NF1: variants seen among roughly 807,000 people sequenced by gnomAD.
The protein encoded by NF1 is neurofibromin 1.
A neutral mutation model predicts 325.7 loss-of-function variants in NF1; 122 were observed. The observed-to-expected ratio is 0.37, with a 90% CI of 0.32 to 0.44. The LOEUF (loss-of-function observed/expected upper bound fraction) is 0.44. Among genes scored for constraint, NF1 ranks in the 20% least tolerant of loss-of-function variants. The probability of loss-of-function intolerance (pLI) is 1.00; values close to 1 mark genes in which losing one functional copy is unlikely to be tolerated. For missense variants in NF1, 2,140 were observed against 3,415.4 expected (o/e 0.63, Z 9.31); for synonymous variants, 1,091 against 1,186.0 (o/e 0.92, Z 1.65).
chr17:31,123,708 G>A (rs546416648), intron 1 of NF1, among the ~76,000 whole-genome samples: 67 of 152,262 alleles, frequency 4.4e-4, no homozygotes, highest in African/African-American at 1.5e-3. Context: ...GTCAGTTTAG[G>A]CTGCTATAAC....
chr17:31,365,144 G>A (rs188536815), intron 57 of NF1, among the ~76,000 whole-genome samples: 4 of 152,048 alleles, frequency 2.6e-5, no homozygotes, highest in African/African-American at 9.6e-5. Context: ...AATTAGCCAG[G>A]CGTAGTGGCA....
intron 35 of NF1, among the ~76,000 whole-genome samples, chr17:31,264,693 CTA>C (rs1437922817): frequency 6.6e-6 from 1 of 152,016 alleles, no homozygotes; most frequent in Admixed American, 6.6e-5. Context: ...CTTGAGCAAA[CTA>C]TATAAAAATT....
chr17:31,102,675 C>T (rs111635153), intron 1 of NF1, among the ~76,000 whole-genome samples: 3 of 150,346 alleles, frequency 2.0e-5, no homozygotes, highest in African/African-American at 7.4e-5. Context: ...TTCAAGCATA[C>T]AGTGAGCCAT....
intron 1 of NF1, among the ~76,000 whole-genome samples, chr17:31,136,055 C>T (rs758777824): frequency 2.0e-5 from 3 of 152,070 alleles, no homozygotes; most frequent in South Asian, 2.1e-4. Context: ...ACAGGGCCAG[C>T]GCGGTGGCTC....
chr17:31,331,284 T>C (rs1257642652), intron 39 of NF1: 1 of 152,052 alleles, frequency 6.6e-6, no homozygotes, highest in African/African-American at 2.4e-5. Context: ...ACTTTATTCA[T>C]AAATATTAAT....
At chr17:31,321,000 A>G (rs913039684) in intron 36 of NF1, 1 of 152,268 alleles carries the variant, frequency 6.6e-6, no homozygotes, top group Non-Finnish European at 1.5e-5. Flanking sequence ...CTTCAGCCAG[A>G]TGTACTGCAG....
rs17878774 is a variant in NF1, at chr17:31,154,455, A to G, written c.61-1528A>G. ...TACTGGAAAAGGAGATATGGTCACA[A>G]AGAATAGGAGATGTTTCTAAGGGAA... is the stretch of plus-strand genomic sequence containing the variant. On this transcript the variant is annotated intron_variant, in intron 1 of 57. Transcript: ENST00000358273. 8.5e-3 allele frequency among the ~76,000 whole-genome samples: 1,292 copies of G among 152,252 alleles called. 22 individuals are homozygous for G. The highest frequency in any genetic ancestry group is 0.03 in the African/African-American group (1,242 of 41,542).
chr17:31,218,542 T>A (rs1482068343), intron 13 of NF1, among the ~76,000 whole-genome samples: 1 of 151,930 alleles, frequency 6.6e-6, no homozygotes, highest in Admixed American at 6.6e-5. Context: ...ATTCTAGAAC[T>A]TTTTTTTCTT....
chr17:31,156,987 A>G (rs140078117), intron 2 of NF1, among the ~76,000 whole-genome samples: 2 of 152,206 alleles, frequency 1.3e-5, no homozygotes, highest in African/African-American at 4.8e-5. Flanking sequence ...ATGAATGAAT[A>G]AATGAATGAA....
At chr17:31,218,443 C>T (rs17883226) in intron 13 of NF1, among the ~76,000 whole-genome samples, 2,057 of 152,024 alleles carry the variant, frequency 0.014, 52 homozygotes, top group African/African-American at 0.046. Context: ...AATACTATAC[C>T]CACATACCAT....
At chr17:31,126,373 T>A (rs1914891343) in intron 1 of NF1, among the ~76,000 whole-genome samples, 1 of 152,106 alleles carries the variant, frequency 6.6e-6, no homozygotes, top group Admixed American at 6.6e-5. Flanking sequence ...TGTATATACT[T>A]TTTGCCCATT....
intron 1 of NF1, among the ~76,000 whole-genome samples, chr17:31,115,592 T>G (rs1397501800): frequency 1.3e-5 from 2 of 152,206 alleles, no homozygotes; most frequent in Admixed American, 6.5e-5. Flanking sequence ...TGTAACTGAG[T>G]GAGTCTTCAG....
At chr17:31,355,959 T>C (rs1325850946) in intron 51 of NF1, 1 of 156,658 alleles carries the variant, frequency 6.4e-6, no homozygotes, top group Non-Finnish European at 1.4e-5. Flanking sequence ...ATCTGGTTTT[T>C]AGTATTTTCA....
At chr17:31,185,826 G>A (rs898608228) in intron 8 of NF1, among the ~76,000 whole-genome samples, 1 of 152,214 alleles carries the variant, frequency 6.6e-6, no homozygotes, top group Non-Finnish European at 1.5e-5. Flanking sequence ...AATGGTGCTT[G>A]AAGTGTCAGT....
At chr17:31,270,503 A>G (rs2067872776) in intron 36 of NF1, among the ~76,000 whole-genome samples, 1 of 152,096 alleles carries the variant, frequency 6.6e-6, no homozygotes, top group Non-Finnish European at 1.5e-5. Flanking sequence ...CCAGCTACTC[A>G]GGAGGCTGAG....
At chr17:31,231,922 A>G in intron 24 of NF1, 151 bp from the exon 25 acceptor site, 2 of 578,412 alleles carry the variant, frequency 3.5e-6, no homozygotes, top group East Asian at 2.9e-5. Context: ...TATTAACTCA[A>G]ATTATTTGGG....
At chr17:31,115,966 A>G (rs973520995) in intron 1 of NF1, among the ~76,000 whole-genome samples, 1 of 152,230 alleles carries the variant, frequency 6.6e-6, no homozygotes, top group Non-Finnish European at 1.5e-5. Flanking sequence ...ACATTAAAAA[A>G]GATCAAAATA....
At chr17:31,214,245 T>C (rs2066780295) in intron 12 of NF1, among the ~76,000 whole-genome samples, 1 of 152,102 alleles carries the variant, frequency 6.6e-6, no homozygotes, top group East Asian at 1.9e-4. Context: ...AAAATATAAA[T>C]GGTGCAAAAA....
At chr17:31,294,886 A>C (rs537227619) in intron 36 of NF1, 1 of 1,293,252 alleles carries the variant, frequency 7.7e-7, no homozygotes, top group Non-Finnish European at 1.1e-6. Context: ...CAGAGTTAGA[A>C]ATGTTAAGAC....
Sources: allele counts gnomAD v4.1 joint callset (sites outside exome capture counted in the v4.1 genomes callset), GRCh38; gene constraint gnomAD v4.1.1; transcripts MANE v1.5; gene names NCBI Gene and HGNC (gene_info 2026-07-23, HGNC 2026-07-21).